Variants in CAMTA1 observed in about 807,000 individuals in gnomAD.
CAMTA1 encodes the protein calmodulin binding transcription activator 1, also known as calmodulin-binding transcription activator 1.
In CAMTA1, 27 loss-of-function variants were observed where a neutral mutation model predicts 170.9. That is an observed-to-expected ratio of 0.16 (90% CI 0.12 to 0.22). The LOEUF is 0.22. Among genes scored for constraint, CAMTA1 ranks in the 10% least tolerant of loss-of-function variants. CAMTA1 has a pLI of 1.00. For missense variants in CAMTA1, 1,619 were observed against 2,217.2 expected, an observed-to-expected ratio of 0.73 and a Z score of 5.42; for synonymous variants, 833 against 891.5, an observed-to-expected ratio of 0.93 and a Z score of 1.17.
At chr1:7,250,145 G>A (rs1415985433) in intron 5 of CAMTA1, among the ~76,000 whole-genome samples, 1 of 152,134 alleles carries the variant, frequency 6.6e-6, no homozygotes. Flanking sequence ...TGCATGGTTG[G>A]GGTCCTGCAG....
chr1:6,980,408 G>A (rs1470729125), intron 3 of CAMTA1, among the ~76,000 whole-genome samples: 1 of 152,186 alleles, frequency 6.6e-6, no homozygotes, highest in East Asian at 1.9e-4. Context: ...AAGTAGCACC[G>A]GGAGTCACGA....
At chr1:7,604,696 T>G (rs1270822652) in intron 6 of CAMTA1, among the ~76,000 whole-genome samples, 1 of 152,246 alleles carries the variant, frequency 6.6e-6, no homozygotes, top group African/African-American at 2.4e-5. Flanking sequence ...AGTCATTGTC[T>G]GTCCAGCTTT....
At chr1:6,993,610 A>G (rs955390076) in intron 3 of CAMTA1, among the ~76,000 whole-genome samples, 13 of 152,264 alleles carry the variant, frequency 8.5e-5, no homozygotes, top group African/African-American at 3.1e-4. Context: ...CTCATTTTTC[A>G]CTATGAAATG....
intron 4 of CAMTA1, among the ~76,000 whole-genome samples, chr1:7,164,080 G>C (rs1487980476): frequency 6.6e-6 from 1 of 152,222 alleles, no homozygotes; most frequent in Non-Finnish European, 1.5e-5. Context: ...ATAGCAGTTA[G>C]CTGAGGTTTG....
intron 3 of CAMTA1, among the ~76,000 whole-genome samples, chr1:7,085,678 G>A (rs555318236): frequency 1.6e-4 from 24 of 152,382 alleles, no homozygotes; most frequent in Admixed American, 1.3e-3. Context: ...GCGCTGAGGC[G>A]TGAAGGGCAG....
intron 3 of CAMTA1, among the ~76,000 whole-genome samples, chr1:6,981,913 A>G (rs1332976686): frequency 1.3e-5 from 2 of 151,264 alleles, no homozygotes; most frequent in Non-Finnish European, 2.9e-5. Flanking sequence ...ATTGTTTTGT[A>G]GAGGCAGAGT....
In CAMTA1 at chr1:7,561,848, C is replaced by G. The variant is rs2094961121; in HGVS notation, c.511-78552C>G. Reference sequence around the variant, plus strand: ...GGATGAGAACGAACCCTCATCCCTGCCTGCACGCCGGCCTGGAGGAGGAAG... The same window carrying G: ...GGATGAGAACGAACCCTCATCCCTGGCTGCACGCCGGCCTGGAGGAGGAAG... On this transcript the variant is annotated intron_variant, in intron 6 of 22. Coordinates refer to ENST00000303635, the MANE Select transcript of CAMTA1 (RefSeq NM_015215.4). The surrounding 1 kb of genome is among the most constrained non-coding windows in gnomAD (Gnocchi z 5.3). Among the ~76,000 whole-genome samples, 1 of 152,148 alleles carries G rather than the reference C, an allele frequency of 6.6e-6. No homozygotes were observed. Among genetic ancestry groups the G allele is most frequent in the African/African-American group, 2.4e-5 (1 of 41,430 alleles).
chr1:7,271,724 A>G (rs1189702388), intron 5 of CAMTA1, among the ~76,000 whole-genome samples: 1 of 152,172 alleles, frequency 6.6e-6, no homozygotes, highest in East Asian at 1.9e-4. Context: ...AGATAGACAG[A>G]TAGATGGATA....
In CAMTA1 at chr1:7,293,506, G is replaced by T. The variant is rs1673462661; in HGVS notation, c.438+43880G>T. Among the ~76,000 whole-genome samples the T allele has an allele frequency of 6.6e-6, 1 of 152,222 alleles. No homozygotes were observed. Among genetic ancestry groups the T allele is most frequent in the Non-Finnish European group, 1.5e-5 (1 of 68,040 alleles). On this transcript the variant is annotated intron_variant, in intron 5 of 22. Coordinates refer to ENST00000303635, the MANE Select transcript of CAMTA1 (RefSeq NM_015215.4). The surrounding 1 kb of genome is among the most constrained non-coding windows in gnomAD (Gnocchi z 4.1). Reference sequence around the variant, plus strand: ...GCCCGGATGGCTCCATGATCCATGTGCATGTGTTCCCGGTTTTGTTTGTCA... The same window carrying T: ...GCCCGGATGGCTCCATGATCCATGTTCATGTGTTCCCGGTTTTGTTTGTCA...
At chr1:6,924,477 C>T (rs1174204483) in intron 3 of CAMTA1, among the ~76,000 whole-genome samples, 1 of 152,164 alleles carries the variant, frequency 6.6e-6, no homozygotes, top group Non-Finnish European at 1.5e-5. Flanking sequence ...CTTTCATCCC[C>T]TTGGGGTGCA....
At chr1:6,811,318 G>A (rs1304971409) in intron 1 of CAMTA1, among the ~76,000 whole-genome samples, 1 of 152,124 alleles carries the variant, frequency 6.6e-6, no homozygotes, top group African/African-American at 2.4e-5. Context: ...AGAACCCATG[G>A]AATTTAACTT....
intron 5 of CAMTA1, among the ~76,000 whole-genome samples, chr1:7,329,763 T>C (rs1249707844): frequency 2.6e-5 from 4 of 152,140 alleles, no homozygotes; most frequent in African/African-American, 9.7e-5. Flanking sequence ...GCTACTGAGG[T>C]TCTATAATGC....
rs2092956030 is a variant in CAMTA1 at position 7,456,449 on chromosome 1, G to T, written c.439-11381G>T. Among the ~76,000 whole-genome samples, 1 of 152,164 alleles carries T rather than the reference G, an allele frequency of 6.6e-6. No individual in the cohort carries two copies. The highest frequency in any genetic ancestry group is 2.1e-4 in the South Asian group (1 of 4,824). On this transcript the variant is annotated intron_variant, in intron 5 of 22. Coordinates refer to ENST00000303635, the MANE Select transcript of CAMTA1 (RefSeq NM_015215.4). This position sits in a 1 kb window ranked among gnomAD's most constrained non-coding sequence, Gnocchi z 4.9. Reference sequence around the variant, plus strand: ...TTCACTTTATTTATATATTATTTATGCCCAGTACTTTTAGGAAGTATTTGA... The same window carrying T: ...TTCACTTTATTTATATATTATTTATTCCCAGTACTTTTAGGAAGTATTTGA...
chr1:7,581,354 C>T (rs1481751840), intron 6 of CAMTA1, among the ~76,000 whole-genome samples: 2 of 152,248 alleles, frequency 1.3e-5, no homozygotes, highest in East Asian at 1.9e-4. Context: ...AAAATTGAAA[C>T]ATTGATTCAT....
intron 5 of CAMTA1, among the ~76,000 whole-genome samples, chr1:7,422,022 G>A (rs181155523): frequency 6.6e-6 from 1 of 152,222 alleles, no homozygotes; most frequent in Admixed American, 6.5e-5. Context: ...ACCTCTTCCA[G>A]CTCCTGGAGA....
At chr1:6,978,032 G>A (rs1693763473) in intron 3 of CAMTA1, among the ~76,000 whole-genome samples, 1 of 152,108 alleles carries the variant, frequency 6.6e-6, no homozygotes, top group African/African-American at 2.4e-5. Context: ...GGAGGTAGAG[G>A]GTAGAAGGAT....
At chr1:7,571,548 T>G (rs746529237) in intron 6 of CAMTA1, among the ~76,000 whole-genome samples, 10 of 152,236 alleles carry the variant, frequency 6.6e-5, no homozygotes, top group Non-Finnish European at 1.3e-4. Context: ...CCATGTGTTC[T>G]TGTTATTTTA....
At chr1:6,980,915 C>T (rs1398544668) in intron 3 of CAMTA1, among the ~76,000 whole-genome samples, 2 of 152,258 alleles carry the variant, frequency 1.3e-5, no homozygotes, top group Middle Eastern at 3.4e-3. Flanking sequence ...ACAGAGGATA[C>T]GAGATTGAGC....
intron 1 of CAMTA1, among the ~76,000 whole-genome samples, chr1:6,813,183 A>C (rs1318232274): frequency 6.6e-6 from 1 of 152,088 alleles, no homozygotes. Context: ...GTAGCACATA[A>C]TTTTTTCCCA....
Sources: gnomAD v4.1 joint callset for allele counts (sites outside exome capture counted in the v4.1 genomes callset) on GRCh38, gnomAD v4.1.1 for gene constraint, Gnocchi (gnomAD v3.1) non-coding constraint, MANE v1.5 for transcripts, NCBI Gene and HGNC (gene_info 2026-07-23, HGNC 2026-07-21) for gene names.